Variants in RNF6 observed in about 807,000 individuals in gnomAD.
The protein encoded by RNF6 is ring finger protein 6, also known as E3 ubiquitin-protein ligase RNF6.
Under a neutral mutation model 50.1 loss-of-function variants are expected in RNF6, and 21 were observed. That is an observed-to-expected ratio of 0.42 (90% CI 0.30 to 0.60). The LOEUF (loss-of-function observed/expected upper bound fraction) is 0.60, where lower values mean the gene tolerates loss of function less well. RNF6 is among the 20% of genes least tolerant of loss of function. RNF6 has a pLI of 0.20. For missense variants in RNF6, 698 were observed against 838.2 expected, an observed-to-expected ratio of 0.83 and a Z score of 2.07; for synonymous variants, 255 against 291.8, an observed-to-expected ratio of 0.87 and a Z score of 1.29.
intron 5 of RNF6, among the ~76,000 whole-genome samples, chr13:26,176,017 T>G (rs1386905323): frequency 2.0e-5 from 3 of 152,144 alleles, no homozygotes; most frequent in South Asian, 2.1e-4. Context: ...GACACAGAGT[T>G]GTCCACATCA....
chr13:26,163,936 T>C (rs1365624301), intron 5 of RNF6, among the ~76,000 whole-genome samples: 1 of 152,124 alleles, frequency 6.6e-6, no homozygotes, highest in Non-Finnish European at 1.5e-5. Context: ...TCCTGAAAAA[T>C]GAGTTTCAAA....
chr13:26,183,053 C>T (rs867994399), intron 5 of RNF6, among the ~76,000 whole-genome samples: 32 of 152,166 alleles, frequency 2.1e-4, no homozygotes, highest in African/African-American at 7.7e-4. Context: ...GTTTTTGAGC[C>T]AAGTACAGCC....
rs878914772 is a variant in RNF6 at position 26,214,573 on chromosome 13, T to G, written c.1309A>C (p.Asn437His). ...ATGGTTCGGCGAAAGCCCCCACTAT[T>G]GCTTTCAATAGTGACTGTATTTTCT... The part of the protein sequence containing the change: ...LAENTVTIES[N>H]SGGFRRTISR... Residue 437 changes from asparagine to histidine, a missense_variant, in exon 5 of 5, where the codon AAT becomes CAT. Asn to His is a moderately conservative substitution (Grantham distance 68). Coordinates refer to ENST00000381588, the MANE Select transcript of RNF6 (RefSeq NM_005977.4). 5 of 1,614,086 alleles carry G rather than the reference T, an allele frequency of 3.1e-6. No homozygotes were observed. Among genetic ancestry groups the G allele is most frequent in the East Asian group, 4.5e-5 (2 of 44,890 alleles).
intron 5 of RNF6, among the ~76,000 whole-genome samples, chr13:26,186,031 G>T (rs55936108): frequency 0.35 from 52,999 of 152,060 alleles, 9,943 homozygotes; most frequent in East Asian, 0.68. Context: ...ACATAGATAT[G>T]AAACAAACAC....
intron 5 of RNF6, among the ~76,000 whole-genome samples, chr13:26,146,734 C>A (rs905453598): frequency 2.2e-4 from 33 of 152,164 alleles, no homozygotes; most frequent in African/African-American, 7.7e-4. Context: ...CCCTTTATGA[C>A]TCCCAAGATT....
At chr13:26,145,785 C>T (rs1871203384) in intron 5 of RNF6, among the ~76,000 whole-genome samples, 1 of 152,268 alleles carries the variant, frequency 6.6e-6, no homozygotes, top group Admixed American at 6.5e-5. Flanking sequence ...TGCAGGATTG[C>T]TTTTGGTTTA....
intron 5 of RNF6, among the ~76,000 whole-genome samples, chr13:26,167,054 C>T (rs142773231): frequency 4.2e-4 from 64 of 152,284 alleles, no homozygotes; most frequent in Middle Eastern, 3.4e-3. Context: ...AACATGCTAA[C>T]GCAATGGGTT....
chr13:26,216,396 A>C (rs1869876939), intron 4 of RNF6, among the ~76,000 whole-genome samples: 1 of 152,300 alleles, frequency 6.6e-6, no homozygotes, highest in South Asian at 2.1e-4. Flanking sequence ...CCAGGAAAAC[A>C]AAGATTTTTG....
intron 5 of RNF6, among the ~76,000 whole-genome samples, chr13:26,163,632 T>G (rs1031669811): frequency 1.1e-4 from 16 of 152,200 alleles, no homozygotes; most frequent in Non-Finnish European, 1.9e-4. Context: ...GAACCTGGGT[T>G]GCATTCCTTC....
chr13:26,185,326 T>C (rs1348756980), intron 5 of RNF6, among the ~76,000 whole-genome samples: 2 of 152,230 alleles, frequency 1.3e-5, no homozygotes, highest in African/African-American at 4.8e-5. Context: ...ATTTTAGCTT[T>C]TTAAAATTTC....
rs1157905709 is a variant in RNF6 at position 26,214,604 on chromosome 13, C to A, written c.1278G>T (p.Gly426=). ...CAATAGTGACTGTATTTTCTGCTAG[C>A]CCTACTCTGGATCGAGTTCTATTTG... ...SIANRTRSRV[G]LAENTVTIES... The change falls in exon 5 of 5, where the codon GGG becomes GGT. Residue 426 remains glycine (G), a synonymous_variant. Transcript: ENST00000381588. 6.2e-7 allele frequency: 1 copy of A among 1,614,048 alleles called. No homozygotes were observed. Among genetic ancestry groups the A allele is most frequent in the African/African-American group, 1.3e-5 (1 of 74,928 alleles).
At chr13:26,209,519 C>T (rs1182782397), downstream of RNF6, among the ~76,000 whole-genome samples, 1 of 147,218 alleles carries the variant, frequency 6.8e-6, no homozygotes, top group East Asian at 2.0e-4. Context: ...TATCATTTAT[C>T]CCATAATCTG....
At position 26,215,446 on chromosome 13, in the gene RNF6, C is replaced by G; in HGVS notation, c.436G>C (p.Glu146Gln). ...AVSRTNPNNG[E>Q]FRFSLEIHVN... is the part of the protein sequence containing the mutation. Reference sequence around the variant, plus strand: ...TGGATTTCCAAACTAAACCGAAACTCTCCATTGTTCGGGTTTGTTCGACTC... The same window carrying G: ...TGGATTTCCAAACTAAACCGAAACTGTCCATTGTTCGGGTTTGTTCGACTC... The change falls in exon 5 of 5, where the codon GAG becomes CAG. Residue 146 changes from glutamate (E) to glutamine (Q), a missense_variant. Glu to Gln is a conservative substitution (Grantham distance 29). Transcript: ENST00000381588. 1.2e-6 allele frequency: 2 copies of G among 1,614,210 alleles called. No homozygotes were observed. Among genetic ancestry groups the G allele is most frequent in the Non-Finnish European group, 1.7e-6 (2 of 1,180,052 alleles).
rs543430001 is a variant in RNF6, at chr13:26,207,403, C to T, written n.768+8071G>A. ...TGAGGAGTGACAAGTCGAAATGAGG[C>T]TTGTAGAAAAATTACACTGGAATAA... On this transcript the variant is annotated intron_variant and non_coding_transcript_variant, in intron 5 of 5. Transcript: ENST00000468480. Among the ~76,000 whole-genome samples, 6 of 152,158 alleles carry T rather than the reference C, an allele frequency of 3.9e-5. No individual in the cohort carries two copies. The South Asian group carries it at 1.2e-3, about 32-fold the overall frequency.
chr13:26,186,759 G>C (rs1002554743), intron 5 of RNF6, among the ~76,000 whole-genome samples: 1 of 146,950 alleles, frequency 6.8e-6, no homozygotes, highest in East Asian at 2.0e-4. Context: ...GGAAGCGTCA[G>C]GGACCTTTCT....
intron 5 of RNF6, among the ~76,000 whole-genome samples, chr13:26,145,446 GGGGA>G (rs372648648): frequency 4.0e-4 from 23 of 57,546 alleles, no homozygotes; most frequent in Admixed American, 6.1e-4. Flanking sequence ...ACTGAATCAT[GGGGA>G]GGGGGGGGGA....
chr13:26,157,312 T>G (rs917236524), intron 5 of RNF6, among the ~76,000 whole-genome samples: 7 of 152,032 alleles, frequency 4.6e-5, no homozygotes, highest in African/African-American at 1.7e-4. Context: ...TAGAAGAAAA[T>G]GTAGATAATT....
intron 5 of RNF6, among the ~76,000 whole-genome samples, chr13:26,178,771 G>A (rs558607299): frequency 6.6e-6 from 1 of 152,036 alleles, no homozygotes; most frequent in East Asian, 1.9e-4. Context: ...TGGACCCCTT[G>A]ACCAATATCT....
At chr13:26,218,279 T>C (rs1442784921) in intron 4 of RNF6, among the ~76,000 whole-genome samples, 1 of 152,232 alleles carries the variant, frequency 6.6e-6, no homozygotes, top group Non-Finnish European at 1.5e-5. Flanking sequence ...TTGTATATTA[T>C]TACATAAAGC....
Sources: gnomAD v4.1 joint callset for allele counts (sites outside exome capture counted in the v4.1 genomes callset) on GRCh38, gnomAD v4.1.1 for gene constraint, MANE v1.5 for transcripts, NCBI Gene and HGNC (gene_info 2026-07-23, HGNC 2026-07-21) for gene names.